SAP130: variants seen among roughly 807,000 people sequenced by gnomAD.
SAP130 encodes Sin3A associated protein 130, also known as histone deacetylase complex subunit SAP130.
Under a neutral mutation model 103.2 loss-of-function variants are expected in SAP130, and 16 were observed. The ratio of observed to expected loss-of-function variants is 0.16; its 90% CI spans 0.10 to 0.24. The LOEUF is 0.24. Among genes scored for constraint, SAP130 ranks in the 10% least tolerant of loss-of-function variants. The probability of loss-of-function intolerance (pLI) is 1.00; values close to 1 mark genes in which losing one functional copy is unlikely to be tolerated. For synonymous variants in SAP130, 477 were observed against 497.0 expected (o/e 0.96, Z 0.53); for missense variants, 990 against 1,359.7 (o/e 0.73, Z 4.28).
chr2:127,992,513 CAA>C (rs1345423755), intron 12 of SAP130, among the ~76,000 whole-genome samples: 1 of 151,376 alleles, frequency 6.6e-6, no homozygotes, highest in East Asian at 2.0e-4. Flanking sequence ...CTCCTGACCT[CAA>C]GTGATCTGCC....
intron 2 of SAP130, 43 bp from the exon 3 acceptor site, chr2:128,017,958 C>T (rs754214505): frequency 4.7e-6 from 7 of 1,505,154 alleles, no homozygotes; most frequent in Middle Eastern, 3.4e-4. Context: ...CACAGTCTCC[C>T]AGTGTAAGAT....
intron 1 of SAP130, chr2:128,027,005 C>A: frequency 8.1e-7 from 1 of 1,240,894 alleles, no homozygotes. Context: ...CCAGACACCT[C>A]GGAGTGTGAG....
intron 5 of SAP130, among the ~76,000 whole-genome samples, chr2:128,014,326 G>C (rs540922220): frequency 2.4e-4 from 36 of 151,846 alleles, no homozygotes; most frequent in Non-Finnish European, 2.8e-4. Flanking sequence ...CCGAGCTCAA[G>C]CCATCCTCCC....
chr2:128,011,712 T>C (rs1018811937), intron 6 of SAP130, among the ~76,000 whole-genome samples: 1 of 152,220 alleles, frequency 6.6e-6, no homozygotes, highest in African/African-American at 2.4e-5. Context: ...TAATCAAGAC[T>C]TCCTTATTAT....
At chr2:128,009,828 C>T (rs564052131) in intron 7 of SAP130, among the ~76,000 whole-genome samples, 3 of 152,186 alleles carry the variant, frequency 2.0e-5, no homozygotes, top group Admixed American at 6.6e-5. Context: ...AGAGCCTTTG[C>T]GCTCACTGTT....
At chr2:127,945,004 T>G (rs1678977881) in intron 19 of SAP130, among the ~76,000 whole-genome samples, 1 of 150,902 alleles carries the variant, frequency 6.6e-6, no homozygotes, top group Non-Finnish European at 1.5e-5. Flanking sequence ...ACATTGGAAA[T>G]TGGAATACTG....
intron 15 of SAP130, among the ~76,000 whole-genome samples, chr2:127,959,327 G>T (rs1363947624): frequency 3.9e-5 from 6 of 152,194 alleles, no homozygotes; most frequent in Admixed American, 2.0e-4. Flanking sequence ...AGAAAAAGGG[G>T]TGGCTTGGCA....
At chr2:128,004,745 T>C (rs1219439900) in intron 7 of SAP130, among the ~76,000 whole-genome samples, 3 of 152,058 alleles carry the variant, frequency 2.0e-5, no homozygotes, top group African/African-American at 4.8e-5. Flanking sequence ...GGGAATAGTG[T>C]GCGGGGGACC....
At chr2:127,972,875 G>C (rs1225587518) in intron 15 of SAP130, among the ~76,000 whole-genome samples, 2 of 152,168 alleles carry the variant, frequency 1.3e-5, no homozygotes, top group African/African-American at 2.4e-5. Flanking sequence ...CAAGGCTGCA[G>C]TGAGCTATGA....
intron 7 of SAP130, 46 bp downstream of exon 7, chr2:128,010,220 AAGG>A: frequency 4.5e-6 from 7 of 1,566,072 alleles, no homozygotes; most frequent in Non-Finnish European, 6.1e-6. Flanking sequence ...AAAAAGAGTG[AAGG>A]AGGAGGATGG....
chr2:127,970,099 G>T (rs1227597532), intron 15 of SAP130, among the ~76,000 whole-genome samples: 1 of 150,742 alleles, frequency 6.6e-6, no homozygotes, highest in Admixed American at 6.6e-5. Flanking sequence ...ATGGTAGCTC[G>T]CACCTGTAGT....
intron 11 of SAP130, among the ~76,000 whole-genome samples, chr2:127,995,116 A>C (rs1356122608): frequency 6.6e-6 from 1 of 152,206 alleles, no homozygotes; most frequent in Non-Finnish European, 1.5e-5. Context: ...GGGTTGAACT[A>C]GAGATATCAG....
At chr2:127,963,794 C>T (rs561966911) in intron 15 of SAP130, among the ~76,000 whole-genome samples, 1 of 152,286 alleles carries the variant, frequency 6.6e-6, no homozygotes, top group South Asian at 2.1e-4. Flanking sequence ...TCTTTGCCTG[C>T]CACCATCCAC....
At chr2:127,948,685 A>G (rs1349917615) in intron 18 of SAP130, among the ~76,000 whole-genome samples, 1 of 152,048 alleles carries the variant, frequency 6.6e-6, no homozygotes, top group Non-Finnish European at 1.5e-5. Context: ...TATATAATTT[A>G]TGTTATTTTA....
At chr2:127,974,561 C>T (rs1681320521) in intron 15 of SAP130, among the ~76,000 whole-genome samples, 1 of 152,136 alleles carries the variant, frequency 6.6e-6, no homozygotes, top group Admixed American at 6.6e-5. Context: ...CGCCTGTAAT[C>T]CCAGCACTTG....
intron 15 of SAP130, among the ~76,000 whole-genome samples, chr2:127,973,032 GA>G (rs1400827480): frequency 7.2e-5 from 11 of 152,134 alleles, no homozygotes; most frequent in Non-Finnish European, 1.6e-4. Context: ...ACAGTATAGG[GA>G]AACAGTCACT....
intron 5 of SAP130, among the ~76,000 whole-genome samples, chr2:128,014,192 G>A (rs1684599069): frequency 1.3e-5 from 2 of 151,916 alleles, no homozygotes; most frequent in Admixed American, 1.3e-4. Context: ...CTAAAAACAT[G>A]GATTGCTCTA....
Position 128,014,834 on chromosome 2 carries a change from A to C in SAP130, c.588T>G (p.Pro196=). 1 of 1,614,098 alleles carries C rather than the reference A, an allele frequency of 6.2e-7. No homozygotes were observed. Among genetic ancestry groups the C allele is most frequent in the Non-Finnish European group, 8.5e-7 (1 of 1,179,936 alleles). The change falls in exon 5 of 21, where the codon CCT becomes CCG. Residue 196 remains proline (P), a synonymous_variant. Transcript: ENST00000643581. Reference sequence around the variant, plus strand: ...GTAAATGAGAAGCTCCAATGTGAAGAGGGGGCCCAGGAGCATTGCTGCGGA... The same window carrying C: ...GTAAATGAGAAGCTCCAATGTGAAGCGGGGGCCCAGGAGCATTGCTGCGGA... The part of the protein sequence containing the change: ...SIIRSNAPGP[P]LHIGASHLPR...
chr2:127,970,010 A>C (rs1018380590), intron 15 of SAP130, among the ~76,000 whole-genome samples: 2 of 152,062 alleles, frequency 1.3e-5, no homozygotes, highest in African/African-American at 4.8e-5. Flanking sequence ...TGGGCGGATC[A>C]CGAGGTCAAG....
Sources: gnomAD v4.1 joint callset for allele counts (sites outside exome capture counted in the v4.1 genomes callset) on GRCh38, gnomAD v4.1.1 for gene constraint, MANE v1.5 for transcripts, NCBI Gene and HGNC (gene_info 2026-07-23, HGNC 2026-07-21) for gene names.